Variants in NEK11 observed in about 807,000 individuals in gnomAD.
NEK11 encodes NIMA related kinase 11.
Under a neutral mutation model 80.7 loss-of-function variants are expected in NEK11, and 72 were observed. The observed-to-expected ratio is 0.89, with a 90% confidence interval of 0.74 to 1.08. The LOEUF (loss-of-function observed/expected upper bound fraction) is 1.08, where lower values mean the gene tolerates loss of function less well. Among genes scored for constraint, NEK11 ranks in the 50% least tolerant of loss-of-function variants. NEK11 has a pLI of 0.00. For synonymous variants in NEK11, 251 were observed against 260.7 expected (o/e 0.96, Z 0.36); for missense variants, 764 against 763.6 (o/e 1.00, Z -0.01).
chr3:131,224,449 G>C (rs749450573), intron 14 of NEK11, among the ~76,000 whole-genome samples: 1 of 152,038 alleles, frequency 6.6e-6, no homozygotes, highest in Non-Finnish European at 1.5e-5. Flanking sequence ...GGCTGTTCTC[G>C]AACTCCTGAC....
chr3:131,152,663 C>G lies in NEK11; in HGVS notation c.830C>G (p.Ser277Cys). The change falls in exon 9 of 18, where the codon TCT becomes TGT. Residue 277 changes from serine to cysteine, a missense_variant. Coordinates refer to ENST00000383366, the MANE Select transcript of NEK11 (RefSeq NM_024800.5). ...AACAAGAATCCTTCATTAAGACCAT[C>G]TGCTATCGAAATTTTAAAAATCCCT... ...MLNKNPSLRP[S>C]AIEILKIPYL... The G allele has an allele frequency of 6.2e-7, 1 of 1,613,752 alleles. No individual in the cohort carries two copies. The highest frequency in any genetic ancestry group is 1.3e-5 in the African/African-American group (1 of 75,030).
chr3:131,322,256 C>T (rs895797840), intron 17 of NEK11, among the ~76,000 whole-genome samples: 1 of 152,102 alleles, frequency 6.6e-6, no homozygotes, highest in African/African-American at 2.4e-5. Flanking sequence ...CCAGATACCA[C>T]ATGTTGTCAC....
At chr3:131,049,582 G>T (rs2068005045) in intron 3 of NEK11, among the ~76,000 whole-genome samples, 1 of 152,136 alleles carries the variant, frequency 6.6e-6, no homozygotes, top group Admixed American at 6.5e-5. Flanking sequence ...TCCATCAGTG[G>T]CATGTTAAGC....
intron 17 of NEK11, among the ~76,000 whole-genome samples, chr3:131,284,906 G>A (rs1007379401): frequency 1.3e-5 from 2 of 152,132 alleles, no homozygotes; most frequent in South Asian, 4.2e-4. Flanking sequence ...TGGCTTCCTG[G>A]CTCCAGATGG....
At chr3:131,036,725 TC>T (rs2065704481) in intron 3 of NEK11, among the ~76,000 whole-genome samples, 1 of 152,026 alleles carries the variant, frequency 6.6e-6, no homozygotes, top group Non-Finnish European at 1.5e-5. Context: ...ATTGCTTGGC[TC>T]CCCCCTACCC....
chr3:131,242,244 G>A (rs937653215), intron 15 of NEK11, among the ~76,000 whole-genome samples: 2 of 152,138 alleles, frequency 1.3e-5, no homozygotes, highest in Non-Finnish European at 2.9e-5. Flanking sequence ...TGTCTCTAAG[G>A]CATGTTATTA....
intron 17 of NEK11, among the ~76,000 whole-genome samples, chr3:131,307,640 T>A: frequency 6.6e-6 from 1 of 152,220 alleles, no homozygotes; most frequent in South Asian, 2.1e-4. Context: ...TAGTTTGAGC[T>A]TCCAGGAAGC....
chr3:131,331,965 CT>C (rs1161014360), intron 17 of NEK11, among the ~76,000 whole-genome samples: 1 of 152,236 alleles, frequency 6.6e-6, no homozygotes, highest in Non-Finnish European at 1.5e-5. Flanking sequence ...AGCCGGGAAG[CT>C]TGAGCTGGGT....
intron 17 of NEK11, among the ~76,000 whole-genome samples, chr3:131,305,577 G>T (rs2109295315): frequency 6.6e-6 from 1 of 152,250 alleles, no homozygotes; most frequent in African/African-American, 2.4e-5. Flanking sequence ...TCTTGTCCCT[G>T]GCTCCACTGC....
chr3:131,344,683 T>C (rs1048491304), intron 17 of NEK11, among the ~76,000 whole-genome samples: 3 of 152,204 alleles, frequency 2.0e-5, no homozygotes, highest in African/African-American at 7.2e-5. Flanking sequence ...CAACATCTGC[T>C]TGGCTTCTGG....
At chr3:131,188,854 C>T (rs1037332083) in intron 14 of NEK11, among the ~76,000 whole-genome samples, 1 of 120,680 alleles carries the variant, frequency 8.3e-6, no homozygotes, top group Non-Finnish European at 1.6e-5. Context: ...TGAATTATGA[C>T]CCCCAAAAGA....
At chr3:131,047,436 G>A (rs2067577897) in intron 3 of NEK11, among the ~76,000 whole-genome samples, 1 of 152,206 alleles carries the variant, frequency 6.6e-6, no homozygotes, top group Admixed American at 6.5e-5. Context: ...CTCAAGGACT[G>A]CTGTTTAGAT....
chr3:131,283,516 CTG>C (rs4044351), intron 17 of NEK11, among the ~76,000 whole-genome samples: 6,594 of 146,772 alleles, frequency 0.045, 152 homozygotes, highest in African/African-American at 0.077. Context: ...CAGGCTATTA[CTG>C]TGTGTGTGTG....
At chr3:131,344,571 G>GTAT (rs1308684067) in intron 17 of NEK11, among the ~76,000 whole-genome samples, 2 of 151,800 alleles carry the variant, frequency 1.3e-5, no homozygotes, top group East Asian at 3.9e-4. Context: ...TCTGTATTAG[G>GTAT]CTATTTGTTG....
At chr3:131,083,578 G>A (rs1391396720) in intron 4 of NEK11, among the ~76,000 whole-genome samples, 1 of 152,176 alleles carries the variant, frequency 6.6e-6, no homozygotes, top group African/African-American at 2.4e-5. Context: ...AATAGTATAG[G>A]AAATGGCAGG....
At chr3:131,036,572 T>C (rs2065680680) in intron 3 of NEK11, among the ~76,000 whole-genome samples, 1 of 152,234 alleles carries the variant, frequency 6.6e-6, no homozygotes, top group African/African-American at 2.4e-5. Context: ...AATAAACTCA[T>C]CTTTGCTTGC....
At chr3:131,151,522 A>T (rs2089642474) in intron 7 of NEK11, among the ~76,000 whole-genome samples, 1 of 152,208 alleles carries the variant, frequency 6.6e-6, no homozygotes, top group African/African-American at 2.4e-5. Flanking sequence ...AAGTTACATA[A>T]AATGTAACTT....
At chr3:131,075,132 C>G (rs926989820) in intron 3 of NEK11, among the ~76,000 whole-genome samples, 1 of 152,110 alleles carries the variant, frequency 6.6e-6, no homozygotes, top group Non-Finnish European at 1.5e-5. Flanking sequence ...TGTCCAAAGG[C>G]TCTGCTACAT....
chr3:131,245,309 G>GTGTGTGTT (rs1162848350), intron 16 of NEK11, among the ~76,000 whole-genome samples: 6 of 151,708 alleles, frequency 4.0e-5, no homozygotes, highest in African/African-American at 1.2e-4. Context: ...CATTGTGTGT[G>GTGTGTGTT]TGTGTGTGTG....
Sources: gnomAD v4.1 joint callset for allele counts (sites outside exome capture counted in the v4.1 genomes callset) on GRCh38, gnomAD v4.1.1 for gene constraint, MANE v1.5 for transcripts, NCBI Gene and HGNC (gene_info 2026-07-23, HGNC 2026-07-21) for gene names.